Variants in MXI1 observed in about 807,000 individuals in gnomAD.
The protein encoded by MXI1 is max-interacting protein 1.
MXI1 carries 18 observed loss-of-function variants against 36.9 expected under a neutral mutation model. The ratio of observed to expected loss-of-function variants is 0.49; its 90% CI spans 0.34 to 0.72. The LOEUF is 0.72. Among genes scored for constraint, MXI1 ranks in the 30% least tolerant of loss-of-function variants. The pLI is 0.01. For missense variants in MXI1, 304 were observed against 379.1 expected, an observed-to-expected ratio of 0.80 and a Z score of 1.64; for synonymous variants, 160 against 146.7, an observed-to-expected ratio of 1.09 and a Z score of -0.65.
chr10:110,218,143 G>T, intron 1 of MXI1, among the ~76,000 whole-genome samples: 1 of 152,100 alleles, frequency 6.6e-6, no homozygotes, highest in Non-Finnish European at 1.5e-5. Flanking sequence ...TAAGAAATGT[G>T]CAAGAGTCAA....
intron 2 of MXI1, among the ~76,000 whole-genome samples, chr10:110,244,616 G>A (rs761161364): frequency 5.9e-5 from 9 of 151,976 alleles, no homozygotes; most frequent in Non-Finnish European, 1.2e-4. Context: ...GTTTCAGACT[G>A]TTAAGAGTTG....
At chr10:110,249,965 T>A (rs1856015590) in intron 3 of MXI1, among the ~76,000 whole-genome samples, 1 of 152,094 alleles carries the variant, frequency 6.6e-6, no homozygotes, top group Non-Finnish European at 1.5e-5. Context: ...GGTCTGGCCT[T>A]AAGGAGATAA....
intron 3 of MXI1, among the ~76,000 whole-genome samples, chr10:110,278,395 G>GA (rs1857112511): frequency 6.6e-6 from 1 of 152,154 alleles, no homozygotes; most frequent in African/African-American, 2.4e-5. Flanking sequence ...GGCAGGTAGT[G>GA]AGAGAGACGA....
Position 110,270,665 on chromosome 10 carries a change from A to G in MXI1, c.438-8515A>G, listed in dbSNP as rs558061986. Among the ~76,000 whole-genome samples, 41 of 152,068 alleles carry G rather than the reference A, an allele frequency of 2.7e-4. No homozygotes were observed. The South Asian group carries it at 7.9e-3, about 29-fold the overall frequency. ...TGCATTGTGGAATATTGCTTTTTAG[A>G]CTTTCCCTTCTCATACCTTGGTTTT... On this transcript the variant is annotated intron_variant, in intron 3 of 5. Transcript: ENST00000332674.
intron 3 of MXI1, among the ~76,000 whole-genome samples, chr10:110,264,555 G>A (rs1482329859): frequency 6.6e-6 from 1 of 151,662 alleles, no homozygotes; most frequent in Non-Finnish European, 1.5e-5. Context: ...TCATAGAGAC[G>A]GGGTTTCACC....
At chr10:110,256,892 ATTAC>A (rs959257204) in intron 3 of MXI1, among the ~76,000 whole-genome samples, 6 of 152,318 alleles carry the variant, frequency 3.9e-5, no homozygotes, top group Non-Finnish European at 8.8e-5. Flanking sequence ...ACACTTTGCA[ATTAC>A]TTAAGACATG....
chr10:110,233,454 A>G (rs184049898), intron 2 of MXI1, among the ~76,000 whole-genome samples: 67 of 152,098 alleles, frequency 4.4e-4, no homozygotes, highest in African/African-American at 1.4e-3. Flanking sequence ...ACGTGAACCT[A>G]TTTGTTCACA....
At position 110,279,183 on chromosome 10, in the gene MXI1, A is replaced by T; in HGVS notation, c.441A>T (p.Arg147=). 6.2e-7 allele frequency: 1 copy of T among 1,613,224 alleles called. No individual in the cohort carries two copies. The highest frequency in any genetic ancestry group is 8.5e-7 in the Non-Finnish European group (1 of 1,179,248). ...STHNELEKNR[R]AHLRLCLERL... is the part of the protein sequence containing the mutation. ...TTTGACTTTTTGTCTTTCTTAGACG[A>T]GCTCATCTGCGCCTTTGTTTAGAAC... is the stretch of plus-strand genomic sequence containing the variant. Residue 147 remains arginine (R), a synonymous_variant, in exon 4 of 6, where the codon CGA becomes CGT. Coordinates refer to ENST00000332674, the MANE Select transcript of MXI1 (RefSeq NM_130439.3).
At chr10:110,226,200 C>G in intron 1 of MXI1, 1 of 1,472,694 alleles carries the variant, frequency 6.8e-7, no homozygotes, top group Non-Finnish European at 9.0e-7. Flanking sequence ...CGGTCGCCAC[C>G]CGCGGTGCCC....
intron 1 of MXI1, among the ~76,000 whole-genome samples, chr10:110,211,116 T>C (rs1891373): frequency 0.037 from 5,627 of 151,008 alleles, 395 homozygotes; most frequent in East Asian, 0.28. Context: ...AAGGGCATCG[T>C]TGGCCGACTC....
At chr10:110,244,506 A>ATATATG (rs1855788753) in intron 2 of MXI1, among the ~76,000 whole-genome samples, 1 of 150,800 alleles carries the variant, frequency 6.6e-6, no homozygotes, top group East Asian at 1.9e-4. Context: ...TATGTTTAAA[A>ATATATG]TTTCTTATAT....
chr10:110,247,839 TACTGGGTATATACCA>T (rs1286399586), intron 3 of MXI1, among the ~76,000 whole-genome samples: 5 of 152,256 alleles, frequency 3.3e-5, no homozygotes, highest in South Asian at 2.1e-4. Flanking sequence ...GCAATCGCAT[TACTGGGTATATACCA>T]AAAGGATTAT....
At chr10:110,221,044 T>C (rs1854790823) in intron 1 of MXI1, among the ~76,000 whole-genome samples, 1 of 152,156 alleles carries the variant, frequency 6.6e-6, no homozygotes, top group Non-Finnish European at 1.5e-5. Flanking sequence ...TTAATTATAG[T>C]GGAAGGGTGA....
At chr10:110,276,569 T>C (rs986033897) in intron 3 of MXI1, among the ~76,000 whole-genome samples, 1 of 152,154 alleles carries the variant, frequency 6.6e-6, no homozygotes, top group Non-Finnish European at 1.5e-5. Context: ...AACAAAGTAA[T>C]ATGTTTCTTT....
At chr10:110,227,892 C>G (rs1590343163) in intron 1 of MXI1, 1 of 377,412 alleles carries the variant, frequency 2.6e-6, no homozygotes, top group East Asian at 4.6e-5. Flanking sequence ...GGTAACTGGT[C>G]ACAAAATTTT....
At chr10:110,227,315 G>A in intron 1 of MXI1, 1 of 979,518 alleles carries the variant, frequency 1.0e-6, no homozygotes, top group Non-Finnish European at 1.2e-6. Context: ...CGGGTGCGGG[G>A]AGGGGCGCGC....
At chr10:110,276,955 T>G (rs975073370) in intron 3 of MXI1, among the ~76,000 whole-genome samples, 15 of 152,050 alleles carry the variant, frequency 9.9e-5, no homozygotes, top group Middle Eastern at 3.4e-3. Context: ...AAGCGATTGT[T>G]GTGCCTCAGC....
At chr10:110,264,263 A>G (rs1856613110) in intron 3 of MXI1, among the ~76,000 whole-genome samples, 1 of 152,258 alleles carries the variant, frequency 6.6e-6, no homozygotes. Context: ...ATGGTATACC[A>G]AAACTTGTTC....
chr10:110,241,847 T>C (rs536768561), intron 2 of MXI1, among the ~76,000 whole-genome samples: 2 of 152,118 alleles, frequency 1.3e-5, no homozygotes, highest in East Asian at 3.9e-4. Context: ...TGTTTTTACA[T>C]CTGTTTCTCT....
Sources: gnomAD v4.1 joint callset for allele counts (sites outside exome capture counted in the v4.1 genomes callset) on GRCh38, gnomAD v4.1.1 for gene constraint, MANE v1.5 for transcripts, NCBI Gene and HGNC (gene_info 2026-07-23, HGNC 2026-07-21) for gene names.